The following CMA1 variants were observed in gnomAD, a reference collection of about 807,000 sequenced individuals.
CMA1 encodes chymase 1, also known as chymase.
CMA1 carries 24 observed loss-of-function variants against 18.8 expected under a neutral mutation model. The observed-to-expected ratio is 1.28, with a 90% confidence interval of 0.92 to 1.80. The LOEUF is 1.80. CMA1 is among the 40% of genes most tolerant of loss of function. CMA1 has a pLI of 0.00. For missense variants in CMA1, 421 were observed against 302.8 expected (o/e 1.39, Z -2.90); for synonymous variants, 152 against 117.0 (o/e 1.30, Z -1.93).
At position 24,506,008 on chromosome 14, in the gene CMA1, A is replaced by G. The variant is rs200745820; in HGVS notation, c.600+20T>C. 8 of 1,612,384 alleles carry G rather than the reference A, an allele frequency of 5.0e-6. No homozygotes were observed. Among genetic ancestry groups the G allele is most frequent in the Non-Finnish European group, 5.9e-6 (7 of 1,178,860 alleles). On this transcript the variant is annotated intron_variant, in intron 4 of 4. Coordinates refer to ENST00000250378, the MANE Select transcript of CMA1 (RefSeq NM_001836.5). ...CCCTGAACAGTGAGTTTTGGAGAGG[A>G]AACCTAGTTGGAGGATCACCTTAAA...
intron 2 of CMA1, 90 bp from the exon 3 acceptor site, chr14:24,506,694 ACT>A: frequency 6.7e-7 from 1 of 1,485,730 alleles, no homozygotes; most frequent in Non-Finnish European, 9.1e-7. Context: ...AGAGGACTAA[ACT>A]CTGTCACTGG....
intron 3 of CMA1, 88 bp from the exon 4 acceptor site, chr14:24,506,370 T>G: frequency 6.3e-7 from 1 of 1,591,202 alleles, no homozygotes; most frequent in African/African-American, 1.3e-5. Context: ...AGTAGCTTCA[T>G]GTTATAGCCA....
Position 24,506,249 on chromosome 14 carries a change from C to T in CMA1, c.379G>A (p.Gly127Arg), listed in dbSNP as rs1204685830. ...AATTGGGATGGGAAGGGGAGTGTCC[C>T]CACAGCCAGGGTCAGGCTGGCTTTC... is the stretch of plus-strand genomic sequence containing the variant. ...KEKASLTLAV[G>R]TLPFPSQFNF... Residue 127 changes from glycine (G) to arginine (R), a missense_variant, in exon 4 of 5, where the codon GGG (glycine) becomes AGG (arginine). Transcript: ENST00000250378. 6.2e-7 allele frequency: 1 copy of T among 1,614,126 alleles called. No individual in the cohort carries two copies. The highest frequency in any genetic ancestry group is 8.5e-7 in the Non-Finnish European group (1 of 1,180,010).
chr14:24,508,042 C>T (rs1219125091), intron 1 of CMA1, 136 bp downstream of exon 1: 2 of 813,612 alleles, frequency 2.5e-6, no homozygotes, highest in South Asian at 3.3e-5. Context: ...GCACACATCC[C>T]AAGTGGAAAT....
intron 4 of CMA1, 122 bp from the exon 5 acceptor site, chr14:24,505,781 T>A (rs2043848441): frequency 1.6e-6 from 2 of 1,276,244 alleles, no homozygotes; most frequent in East Asian, 4.7e-5. Flanking sequence ...TCCTCACTTA[T>A]ACATCTAGTT....
chr14:24,507,365 C>A lies in CMA1; in HGVS notation c.200G>T (p.Cys67Phe). 3.1e-6 allele frequency: 5 copies of A among 1,614,162 alleles called. No homozygotes were observed. Among genetic ancestry groups the A allele is most frequent in the Non-Finnish European group, 4.2e-6 (5 of 1,180,020 alleles). ...GACCCTGTTGTCTCACCTTCCTGCA[C>A]AATGAGCAGCCGTCAGCACAAAGTT... ...RRNFVLTAAH[C>F]AGRSITVTLG... Residue 67 changes from cysteine (C) to phenylalanine (F), a missense_variant, in exon 2 of 5, where the codon TGT (cysteine) becomes TTT (phenylalanine). Physicochemically the swap from Cys to Phe is radical, Grantham distance 205. Coordinates refer to ENST00000250378, the MANE Select transcript of CMA1 (RefSeq NM_001836.5).
chr14:24,506,495 G>T lies in CMA1; in HGVS notation c.319C>A (p.Leu107Ile). 1 of 1,614,200 alleles carries T rather than the reference G, an allele frequency of 6.2e-7. No homozygotes were observed. The highest frequency in any genetic ancestry group is 1.1e-5 in the South Asian group (1 of 91,072). ...FRHPKYNTSTLHHDIMLLKLK... is the reference protein window; with the variant it reads ...FRHPKYNTSTIHHDIMLLKLK... ...TTTAGTAACATGATATCGTGGTGAA[G>T]AGTAGAAGTGTTATATTTTGGATGA... is the stretch of plus-strand genomic sequence containing the variant. The change falls in exon 3 of 5, where the codon CTT (leucine) becomes ATT (isoleucine). Residue 107 changes from leucine (L) to isoleucine (I), a missense_variant. Transcript: ENST00000250378.
In CMA1 at chr14:24,507,376, C is replaced by T. The variant is rs765236468; in HGVS notation, c.189G>A (p.Thr63=). The T allele has an allele frequency of 9.3e-6, 15 of 1,613,996 alleles. No individual in the cohort carries two copies. The Admixed American group carries it at 1.0e-4, about 11-fold the overall frequency. The change falls in exon 2 of 5, where the codon ACG becomes ACA. Residue 63 remains threonine, a synonymous_variant. Transcript: ENST00000250378. The part of the protein sequence containing the change: ...GFLIRRNFVL[T]AAHCAGRSIT... Reference sequence around the variant, plus strand: ...CTCACCTTCCTGCACAATGAGCAGCCGTCAGCACAAAGTTCCGTCTTATAA... The same window carrying T: ...CTCACCTTCCTGCACAATGAGCAGCTGTCAGCACAAAGTTCCGTCTTATAA...
rs748992941 is a variant in CMA1, at chr14:24,507,490, G to GC, written c.74dup (p.Thr26HisfsTer55). The GC allele has an allele frequency of 1.2e-6, 2 of 1,613,802 alleles. No homozygotes were observed. The highest frequency in any genetic ancestry group is 1.7e-5 in the Admixed American group (1 of 60,018). On this transcript the variant is annotated frameshift_variant, in exon 2 of 5. Coordinates refer to ENST00000250378, the MANE Select transcript of CMA1 (RefSeq NM_001836.5). LOFTEE classifies it high-confidence loss of function. ...GGCGGGAATGTGGCTTGCATTCTGTGCCCCCGATGATCTCCCCTGGAACAG... is the reference window on the plus strand; with the variant it reads ...GGCGGGAATGTGGCTTGCATTCTGTGCCCCCCGATGATCTCCCCTGGAACAG...
Position 24,507,508 on chromosome 14 carries a change from T to C in CMA1, c.59-2A>G, listed in dbSNP as rs1594787367. ...ATTCTGTGCCCCCGATGATCTCCCC[T>C]GGAACAGAGCACCCCAGGGTTTGAA... On this transcript the variant is annotated splice_acceptor_variant, in intron 1 of 4. Coordinates refer to ENST00000250378, the MANE Select transcript of CMA1 (RefSeq NM_001836.5). LOFTEE classifies it high-confidence loss of function. The C allele has an allele frequency of 6.2e-7, 1 of 1,612,434 alleles. No homozygotes were observed. Among genetic ancestry groups the C allele is most frequent in the Non-Finnish European group, 8.5e-7 (1 of 1,179,150 alleles).
Position 24,507,820 on chromosome 14 carries a change from T to C in CMA1, c.59-314A>G, listed in dbSNP as rs920117863. On this transcript the variant is annotated intron_variant, in intron 1 of 4. Coordinates refer to ENST00000250378, the MANE Select transcript of CMA1 (RefSeq NM_001836.5). ...CAGGTTCCTGTTTTAGATTTCTCCA[T>C]AGCTCTTGAGCATGGTCACAGAGTG... Among the ~76,000 whole-genome samples the C allele has an allele frequency of 5.4e-4, 82 of 152,218 alleles. 2 individuals are homozygous for C. Among genetic ancestry groups the C allele is most frequent in the Non-Finnish European group, 1.5e-5 (1 of 68,038 alleles).
At chr14:24,506,682 A>G (rs2043860331) in intron 2 of CMA1, 78 bp from the exon 3 acceptor site, 1 of 1,543,978 alleles carries the variant, frequency 6.5e-7, no homozygotes, top group African/African-American at 1.4e-5. Context: ...CATTCTGAGA[A>G]AAGAGGACTA....
chr14:24,508,082 T>C (rs1333543431), intron 1 of CMA1, 96 bp downstream of exon 1: 8 of 1,207,404 alleles, frequency 6.6e-6, no homozygotes, highest in Non-Finnish European at 9.6e-6. Context: ...AGAGAGATCT[T>C]GGAACCCTGT....
intron 1 of CMA1, 187 bp downstream of exon 1, chr14:24,507,991 G>C: frequency 1.6e-6 from 1 of 609,654 alleles, no homozygotes; most frequent in Non-Finnish European, 2.9e-6. Context: ...GGCTGTCCTA[G>C]GCTGTAGAGA....
chr14:24,506,582 C>T lies in CMA1; in HGVS notation c.232G>A (p.Ala78Thr), dbSNP rs1297205598. 5 of 1,614,078 alleles carry T rather than the reference C, an allele frequency of 3.1e-6. No individual in the cohort carries two copies. The highest frequency in any genetic ancestry group is 3.3e-5 in the Admixed American group (2 of 60,010). ...TCTTCTTCCTCTGTTATGTTATGGG[C>T]TCCAAGGGTGACTGTTATAGACCTG... Reference protein sequence around the residue: ...AGRSITVTLGAHNITEEEDTW... With the variant: ...AGRSITVTLGTHNITEEEDTW... The change falls in exon 3 of 5, where the codon GCC becomes ACC. Residue 78 changes from alanine to threonine, a missense_variant. By Grantham distance (58) the Ala-to-Thr change is moderately conservative. Transcript: ENST00000250378.
chr14:24,506,416 A>T, intron 3 of CMA1, 53 bp downstream of exon 3: 8 of 1,608,686 alleles, frequency 5.0e-6, no homozygotes, highest in Non-Finnish European at 6.8e-6. Flanking sequence ...GAGGACCTGA[A>T]GGAGAAGCTT....
chr14:24,508,186 G>T lies in CMA1; in HGVS notation c.50C>A (p.Ala17Asp), dbSNP rs374563696. Residue 17 changes from alanine (A) to aspartate (D), a missense_variant, in exon 1 of 5, where the codon GCT (alanine) becomes GAT (aspartate). Physicochemically the swap from Ala to Asp is moderately radical, Grantham distance 126 (BLOSUM62 -2). Coordinates refer to ENST00000250378, the MANE Select transcript of CMA1 (RefSeq NM_001836.5). The stretch of plus-strand genomic sequence containing the variant: ...AGAACCCTGATACTCACCAGCTTCA[G>T]CTCTGGAGCACAAGAGAAAGAGCAG... ...PLLLFLLCSR[A>D]EAGEIIGGTE... is the part of the protein sequence containing the mutation. 6.2e-7 allele frequency: 1 copy of T among 1,613,804 alleles called. No individual in the cohort carries two copies.
Position 24,506,009 on chromosome 14 carries a change from A to C in CMA1, c.600+19T>G. 6.2e-7 allele frequency: 1 copy of C among 1,612,546 alleles called. No homozygotes were observed. Among genetic ancestry groups the C allele is most frequent in the Non-Finnish European group, 8.5e-7 (1 of 1,178,982 alleles). ...CCTGAACAGTGAGTTTTGGAGAGGA[A>C]ACCTAGTTGGAGGATCACCTTAAAT... On this transcript the variant is annotated intron_variant, in intron 4 of 4. Transcript: ENST00000250378.
chr14:24,505,454 C>T lies in CMA1; in HGVS notation c.*62G>A. The T allele has an allele frequency of 1.2e-6, 2 of 1,608,106 alleles. No homozygotes were observed. Among genetic ancestry groups the T allele is most frequent in the Non-Finnish European group, 1.7e-6 (2 of 1,175,390 alleles). ...ACCAAGGGTAGACCAGAATGAGTGGCACACACTTTGCTGCTCAGGTCCAGT... is the reference window on the plus strand; with the variant it reads ...ACCAAGGGTAGACCAGAATGAGTGGTACACACTTTGCTGCTCAGGTCCAGT... On this transcript the variant is annotated 3_prime_UTR_variant, in exon 5 of 5. Transcript: ENST00000250378.
Sources: allele counts gnomAD v4.1 joint callset (sites outside exome capture counted in the v4.1 genomes callset), GRCh38; gene constraint gnomAD v4.1.1; transcripts MANE v1.5; gene names NCBI Gene and HGNC (gene_info 2026-07-23, HGNC 2026-07-21).